HABP2: variants seen among roughly 807,000 people sequenced by gnomAD.
HABP2 encodes the protein factor VII-activating protease.
HABP2 carries 65 observed loss-of-function variants against 66.5 expected under a neutral mutation model. The observed-to-expected ratio is 0.98, with a 90% confidence interval of 0.80 to 1.20. The LOEUF is 1.20. Among genes scored for constraint, HABP2 ranks in the 50% most tolerant of loss-of-function variants. The pLI is 0.00. For synonymous variants in HABP2, 263 were observed against 253.9 expected (o/e 1.04, Z -0.34); for missense variants, 786 against 691.0 (o/e 1.14, Z -1.54).
At chr10:113,576,549 G>A (rs1845412817) in intron 4 of HABP2, among the ~76,000 whole-genome samples, 1 of 152,142 alleles carries the variant, frequency 6.6e-6, no homozygotes, top group African/African-American at 2.4e-5. Context: ...ATGAGGCAGT[G>A]GAATAAAGCA....
At chr10:113,569,483 C>G (rs200231459) in intron 2 of HABP2, among the ~76,000 whole-genome samples, 1 of 152,236 alleles carries the variant, frequency 6.6e-6, no homozygotes, top group African/African-American at 2.4e-5. Flanking sequence ...AAAGAGACCC[C>G]GTGCTCGTGC....
chr10:113,581,824 A>C (rs1309481747), intron 8 of HABP2, 52 bp from the exon 9 acceptor site: 2 of 1,598,372 alleles, frequency 1.3e-6, no homozygotes, highest in East Asian at 4.5e-5. Context: ...AGCCCTGCTG[A>C]GGAACTGGAG....
chr10:113,575,433 T>C (rs1224673106), intron 3 of HABP2, among the ~76,000 whole-genome samples: 1 of 152,206 alleles, frequency 6.6e-6, no homozygotes, highest in Non-Finnish European at 1.5e-5. Context: ...TCTCCTGATG[T>C]TCAGAAAGCT....
rs1460845842 is a variant in HABP2, at chr10:113,567,479, T to C, written c.70-10T>C. 9 of 1,610,790 alleles carry C rather than the reference T, an allele frequency of 5.6e-6. No individual in the cohort carries two copies. In the African/African-American group the frequency reaches 8.0e-5, roughly 14 times the overall value. On this transcript the variant is annotated splice_polypyrimidine_tract_variant and intron_variant, in intron 1 of 12. Transcript: ENST00000351270. ...TCAACGCTGATCTGCTGTGTTGTTT[T>C]GTTTTTCAGTTCTCCCTGATGTCTT...
At position 113,581,786 on chromosome 10, in the gene HABP2, G is replaced by C. The variant is rs2181082; in HGVS notation, c.839-90G>C. On this transcript the variant is annotated intron_variant, in intron 8 of 12. Coordinates refer to ENST00000351270, the MANE Select transcript of HABP2 (RefSeq NM_004132.5). ...CTCAGCTCTGGACCCCTGCTCAGCT[G>C]TTGGGCTCAGAGTCATACCTCTGCC... The C allele has an allele frequency of 0.17, 232,886 of 1,349,292 alleles. 21,506 individuals are homozygous for C. The highest frequency in any genetic ancestry group is 0.33 in the East Asian group (14,520 of 43,612). 83.6% of individuals were successfully genotyped at this position (1,349,292 alleles called of 1,614,324 possible).
intron 8 of HABP2, among the ~76,000 whole-genome samples, chr10:113,581,467 A>G (rs992356189): frequency 6.6e-6 from 1 of 152,206 alleles, no homozygotes; most frequent in Non-Finnish European, 1.5e-5. Context: ...CTCTACCCTG[A>G]AAAAGCCTCC....
chr10:113,575,048 G>A (rs1309876672), intron 3 of HABP2, among the ~76,000 whole-genome samples: 1 of 152,126 alleles, frequency 6.6e-6, no homozygotes, highest in Non-Finnish European at 1.5e-5. Context: ...AAGAAGCTGG[G>A]TCCAAGCAAT....
chr10:113,588,264 A>G lies in HABP2; in HGVS notation c.1578A>G (p.Ile526Met), dbSNP rs1414588777. 8 of 1,613,634 alleles carry G rather than the reference A, an allele frequency of 5.0e-6. No homozygotes were observed. The highest frequency in any genetic ancestry group is 2.2e-5 in the East Asian group (1 of 44,886). The change falls in exon 13 of 13, where the codon ATA (isoleucine) becomes ATG (methionine). Residue 526 changes from isoleucine (I) to methionine (M), a missense_variant. Coordinates refer to ENST00000351270, the MANE Select transcript of HABP2 (RefSeq NM_004132.5). ...ACGGCACCTACTACGTCTATGGGAT[A>G]GTGAGCTGGGGCCTGGAGTGTGGGA... is the stretch of plus-strand genomic sequence containing the variant. ...EKDGTYYVYG[I>M]VSWGLECGKR...
Position 113,575,958 on chromosome 10 carries a change from C to T in HABP2, c.285C>T (p.Phe95=), listed in dbSNP as rs750095052. 1 of 1,611,858 alleles carries T rather than the reference C, an allele frequency of 6.2e-7. No individual in the cohort carries two copies. The highest frequency in any genetic ancestry group is 1.7e-5 in the Admixed American group (1 of 60,032). ...GGDCLVHGST[F]TCSCLAPFSG... ...ACTGCCTCGTCCATGGGAGCACCTT[C>T]ACATGCAGCTGCCTGGCTCCTTTCT... The change falls in exon 4 of 13, where the codon TTC becomes TTT. Residue 95 remains phenylalanine, a synonymous_variant. Coordinates refer to ENST00000351270, the MANE Select transcript of HABP2 (RefSeq NM_004132.5).
At chr10:113,573,302 GT>G (rs549582971) in intron 2 of HABP2, among the ~76,000 whole-genome samples, 1 of 152,032 alleles carries the variant, frequency 6.6e-6, no homozygotes, top group Admixed American at 6.6e-5. Context: ...ACACATACCT[GT>G]TTTTTTTCCC....
chr10:113,586,000 G>A, intron 12 of HABP2, 62 bp downstream of exon 12: 1 of 1,472,762 alleles, frequency 6.8e-7, no homozygotes, highest in Non-Finnish European at 9.5e-7. Context: ...ACTAGGCAGA[G>A]GACCCTTAGA....
At chr10:113,562,392 C>T (rs945799367) in intron 1 of HABP2, among the ~76,000 whole-genome samples, 2 of 151,022 alleles carry the variant, frequency 1.3e-5, no homozygotes, top group Non-Finnish European at 2.9e-5. Flanking sequence ...TCACTGGGGC[C>T]AAGTAGGCCC....
At chr10:113,572,384 T>C (rs1175836148) in intron 2 of HABP2, among the ~76,000 whole-genome samples, 1 of 152,248 alleles carries the variant, frequency 6.6e-6, no homozygotes, top group Non-Finnish European at 1.5e-5. Flanking sequence ...GAAGTAATTC[T>C]TAATGGCCTT....
chr10:113,553,622 A>G (rs1302983468), intron 1 of HABP2, among the ~76,000 whole-genome samples: 3 of 152,252 alleles, frequency 2.0e-5, no homozygotes, highest in East Asian at 3.9e-4. Flanking sequence ...GCAATGTGCT[A>G]TGGCCTTAGA....
chr10:113,574,319 A>G lies in HABP2; in HGVS notation c.137A>G (p.Tyr46Cys), dbSNP rs1382176438. Reference sequence around the variant, plus strand: ...ACCCCTGACCAGTATGATTACAGCTACGAGGATTATAATCAGGAAGAGAAC... The same window carrying G: ...ACCCCTGACCAGTATGATTACAGCTGCGAGGATTATAATCAGGAAGAGAAC... ...DWTPDQYDYS[Y>C]EDYNQEENTS... Residue 46 changes from tyrosine to cysteine, a missense_variant, in exon 3 of 13, where the codon TAC becomes TGC. Tyr to Cys is a radical substitution (Grantham distance 194). Transcript: ENST00000351270. 9.4e-6 allele frequency: 15 copies of G among 1,601,214 alleles called. No individual in the cohort carries two copies. The highest frequency in any genetic ancestry group is 5.5e-5 in the South Asian group (5 of 90,834).
chr10:113,568,100 TTG>T (rs1385853121), intron 2 of HABP2, among the ~76,000 whole-genome samples: 16 of 152,358 alleles, frequency 1.1e-4, no homozygotes, highest in African/African-American at 3.8e-4. Flanking sequence ...CGCTCTCTTA[TTG>T]TCTCCCTTTC....
chr10:113,577,511 C>A (rs576021688), intron 5 of HABP2, among the ~76,000 whole-genome samples: 1 of 152,296 alleles, frequency 6.6e-6, no homozygotes, highest in African/African-American at 2.4e-5. Flanking sequence ...GGAAGTAGAC[C>A]CTGATCTATT....
Position 113,574,287 on chromosome 10 carries a change from A to G in HABP2, c.107-2A>G, listed in dbSNP as rs1423975331. 4.0e-6 allele frequency: 6 copies of G among 1,495,138 alleles called. No individual in the cohort carries two copies. In the South Asian group the frequency reaches 5.6e-5, roughly 14 times the overall value. 92.6% of individuals were successfully genotyped at this position (1,495,138 alleles called of 1,614,324 possible). A position where few individuals can be genotyped will look rare whatever the true frequency, so the allele number is the denominator to read the frequency against. ...TCTTCTGTCCTGTTACCATCCCTGC[A>G]GACTGGACCCCTGACCAGTATGATT... On this transcript the variant is annotated splice_acceptor_variant, in intron 2 of 12. Transcript: ENST00000351270. LOFTEE classifies it high-confidence loss of function.
rs146758495 is a variant in HABP2, at chr10:113,580,607, G to T, written c.753G>T (p.Ala251=). Residue 251 remains alanine, a synonymous_variant, in exon 8 of 13, where the codon GCG becomes GCT. Transcript: ENST00000351270. The part of the protein sequence containing the change: ...GEHNFCRNPD[A]DEKPWCFIKV... ...TTTTGTATTTTAGAAACCCAGATGC[G>T]GACGAAAAGCCCTGGTGCTTTATTA... 2 of 1,572,132 alleles carry T rather than the reference G, an allele frequency of 1.3e-6. No individual in the cohort carries two copies. The highest frequency in any genetic ancestry group is 1.1e-5 in the South Asian group (1 of 90,188).
Sources: gnomAD v4.1 joint callset for allele counts (sites outside exome capture counted in the v4.1 genomes callset) on GRCh38, gnomAD v4.1.1 for gene constraint, MANE v1.5 for transcripts, NCBI Gene and HGNC (gene_info 2026-07-23, HGNC 2026-07-21) for gene names.